Variants in CD164L2 observed in about 807,000 individuals in gnomAD.
CD164L2 encodes the protein CD164 sialomucin-like 2 protein.
In CD164L2, 21 loss-of-function variants were observed where a neutral mutation model predicts 23.9. The observed-to-expected ratio is 0.88, with a 90% CI of 0.62 to 1.27. The LOEUF is 1.27. Ranked by LOEUF, CD164L2 falls within the 50% of genes most tolerant of loss-of-function variation. The pLI is 0.00. For synonymous variants in CD164L2, 92 were observed against 90.2 expected (o/e 1.02, Z -0.11); for missense variants, 230 against 224.8 (o/e 1.02, Z -0.15).
chr1:27,379,693 C>G, intron 5 of CD164L2, 184 bp from the exon 6 acceptor site: 2 of 1,474,524 alleles, frequency 1.4e-6, no homozygotes, highest in South Asian at 1.4e-5. Flanking sequence ...GAGCAAAACC[C>G]AACTAGACAC....
At chr1:27,379,693 C>T (rs2016302730) in intron 5 of CD164L2, 184 bp from the exon 6 acceptor site, 1 of 1,474,524 alleles carries the variant, frequency 6.8e-7, no homozygotes, top group Admixed American at 2.4e-5. Flanking sequence ...GAGCAAAACC[C>T]AACTAGACAC....
intron 3 of CD164L2, 62 bp downstream of exon 3, chr1:27,382,266 G>C: frequency 1.2e-6 from 2 of 1,614,016 alleles, no homozygotes; most frequent in East Asian, 4.5e-5. Flanking sequence ...GTTTCCTCCT[G>C]GGGGGCAGGC....
In CD164L2 at chr1:27,380,154, C is replaced by G. The variant is rs992932439; in HGVS notation, c.415G>C (p.Gly139Arg). Residue 139 changes from glycine (G) to arginine (R), a missense_variant, in exon 5 of 6, where the codon GGG (glycine) becomes CGG (arginine). Physicochemically the swap from Gly to Arg is moderately radical, Grantham distance 125 (BLOSUM62 -2). Transcript: ENST00000374030. The stretch of plus-strand genomic sequence containing the variant: ...ACGACACCTCCGATAAAGCTGGCCC[C>G]GTCAAATCCAGGGCTGTGGGCCTCA... ...VPEAHSPGFDGASFIGGVVLV... is the reference protein window; with the variant it reads ...VPEAHSPGFDRASFIGGVVLV... The G allele has an allele frequency of 1.2e-6, 2 of 1,613,982 alleles. No individual in the cohort carries two copies. The highest frequency in any genetic ancestry group is 1.7e-6 in the Non-Finnish European group (2 of 1,179,988).
chr1:27,379,258 G>T lies in CD164L2; in HGVS notation c.*245C>A, dbSNP rs2016293010. On this transcript the variant is annotated 3_prime_UTR_variant, in exon 6 of 6. Coordinates refer to ENST00000374030, the MANE Select transcript of CD164L2 (RefSeq NM_001330448.1). ...CAGGCATACAACCCACTGTCAGGCT[G>T]GGGGGCCCAGCAGGGGCGATGGAGG... is the stretch of plus-strand genomic sequence containing the variant. The T allele has an allele frequency of 5.1e-6, 3 of 586,152 alleles. No homozygotes were observed. Among genetic ancestry groups the T allele is most frequent in the Non-Finnish European group, 9.2e-6 (3 of 326,250 alleles). The allele number at this position is 586,152 out of a possible 1,614,324, so 36.3% of individuals were successfully genotyped here. A position where few individuals can be genotyped will look rare whatever the true frequency, so the allele number is the denominator to read the frequency against.
At position 27,379,426 on chromosome 1, in the gene CD164L2, G is replaced by T; in HGVS notation, c.*77C>A. On this transcript the variant is annotated 3_prime_UTR_variant, in exon 6 of 6. Coordinates refer to ENST00000374030, the MANE Select transcript of CD164L2 (RefSeq NM_001330448.1). ...AGAGTTTTTCCCGCCCCCGCCCCCC[G>T]CTTACCCACAAGGGTGCCCAGAGGC... The T allele has an allele frequency of 2.3e-6, 1 of 425,578 alleles. No homozygotes were observed. The highest frequency in any genetic ancestry group is 2.4e-5 in the African/African-American group (1 of 41,712). 26.4% of individuals were successfully genotyped at this position (425,578 alleles called of 1,614,324 possible).
intron 1 of CD164L2, 89 bp downstream of exon 1, chr1:27,383,063 G>T: frequency 8.7e-7 from 1 of 1,149,276 alleles, no homozygotes; most frequent in Non-Finnish European, 1.3e-6. Context: ...CTCCCCTCAA[G>T]CCCAGGCTGC....
chr1:27,381,088 G>A (rs967336243), intron 4 of CD164L2, among the ~76,000 whole-genome samples: 4 of 152,250 alleles, frequency 2.6e-5, no homozygotes, highest in African/African-American at 9.6e-5. Flanking sequence ...GTAAGGGGTG[G>A]AAGGAGTCTG....
Position 27,382,629 on chromosome 1 carries a change from G to A in CD164L2, c.127C>T (p.Arg43Cys). ...TGGACCGCCGGCCAGATATTCAGGC[G>A]GATCAGGGCTCCCCTCCCAAAGCCT... ...ARGFGRGALI[R>C]LNIWPAVQGA... is the part of the protein sequence containing the mutation. The change falls in exon 2 of 6, where the codon CGC becomes TGC. Residue 43 changes from arginine (R) to cysteine (C), a missense_variant. Physicochemically the swap from Arg to Cys is radical, Grantham distance 180 (BLOSUM62 -3). Coordinates refer to ENST00000374030, the MANE Select transcript of CD164L2 (RefSeq NM_001330448.1). 6.2e-7 allele frequency: 1 copy of A among 1,612,788 alleles called. No individual in the cohort carries two copies.
intron 3 of CD164L2, 35 bp downstream of exon 3, chr1:27,382,293 C>T: frequency 6.2e-7 from 1 of 1,614,112 alleles, no homozygotes; most frequent in Non-Finnish European, 8.5e-7. Context: ...TGGGGAGACC[C>T]ATGCAACTTG....
In CD164L2 at chr1:27,383,183, G is replaced by A. The variant is rs2016374532; in HGVS notation, c.57C>T (p.Cys19=). Residue 19 remains cysteine, a synonymous_variant, in exon 1 of 6, where the codon TGC becomes TGT. Transcript: ENST00000374030. ...LRTALCGGCC[C]LLLCAQLAVA... ...CAGCCAGCTGGGCACATAGGAGGAG[G>A]CAGCAACAGCCGCCACAGAGCGCAG... The A allele has an allele frequency of 1.3e-6, 2 of 1,548,000 alleles. No individual in the cohort carries two copies. Among genetic ancestry groups the A allele is most frequent in the Non-Finnish European group, 1.7e-6 (2 of 1,146,810 alleles).
chr1:27,382,349 T>C lies in CD164L2; in HGVS notation c.307A>G (p.Asn103Asp), dbSNP rs1325722811. ...TTACCTGGACATGCCTCTGAGCGGT[T>C]GTAGATGGAGCAACCTTCCTTGACC... is the stretch of plus-strand genomic sequence containing the variant. ...EVVKEGCSIYNRSEACPAAHH... is the reference protein window; with the variant it reads ...EVVKEGCSIYDRSEACPAAHH... Residue 103 changes from asparagine to aspartate, a missense_variant, in exon 3 of 6, where the codon AAC (asparagine) becomes GAC (aspartate). Physicochemically the swap from Asn to Asp is conservative, Grantham distance 23. Coordinates refer to ENST00000374030, the MANE Select transcript of CD164L2 (RefSeq NM_001330448.1). 2 of 1,613,792 alleles carry C rather than the reference T, an allele frequency of 1.2e-6. No individual in the cohort carries two copies. Among genetic ancestry groups the C allele is most frequent in the East Asian group, 2.2e-5 (1 of 44,858 alleles).
rs188421451 is a variant in CD164L2, at chr1:27,380,567, A to T, written c.374-372T>A. 4.7e-4 allele frequency among the ~76,000 whole-genome samples: 71 copies of T among 152,092 alleles called. No homozygotes were observed. The South Asian group carries it at 8.5e-3, about 18-fold the overall frequency. The stretch of plus-strand genomic sequence containing the variant: ...GGGTGAAGACAGAGCCAGAACTCAG[A>T]CCCTCCCCTGCTCACAATTCCTTTC... On this transcript the variant is annotated intron_variant, in intron 4 of 5. Coordinates refer to ENST00000374030, the MANE Select transcript of CD164L2 (RefSeq NM_001330448.1).
intron 1 of CD164L2, 120 bp downstream of exon 1, chr1:27,383,032 T>C (rs990913153): frequency 3.4e-5 from 27 of 795,918 alleles, no homozygotes; most frequent in Non-Finnish European, 5.3e-5. Flanking sequence ...CCTGGAGGCC[T>C]GCACTTGGCC....
chr1:27,379,756 GGCTGGCACCTACTGGTTCTCTTCCCT>G (rs2016303948), intron 5 of CD164L2: 1 of 1,439,562 alleles, frequency 6.9e-7, no homozygotes, highest in Non-Finnish European at 9.1e-7. Context: ...GGCTTGCCTG[GGCTGGCACCTACTGGTTCTCTTCCCT>G]GCTGGCAGCA....
intron 3 of CD164L2, chr1:27,382,097 C>T (rs2016345684): frequency 6.7e-7 from 1 of 1,484,312 alleles, no homozygotes; most frequent in Admixed American, 2.3e-5. Context: ...ATGCCTTAAA[C>T]TAGAAGAAGA....
chr1:27,383,295 C>A lies in CD164L2; in HGVS notation c.-56G>T. On this transcript the variant is annotated 5_prime_UTR_variant, in exon 1 of 6. Coordinates refer to ENST00000374030, the MANE Select transcript of CD164L2 (RefSeq NM_001330448.1). The stretch of plus-strand genomic sequence containing the variant: ...GTGGCCGGGATCGGTGGACAGCTGC[C>A]GGGCGCGTCCCTCCCAGACTGGGCT... 2 of 1,164,196 alleles carry A rather than the reference C, an allele frequency of 1.7e-6. No individual in the cohort carries two copies. Among genetic ancestry groups the A allele is most frequent in the East Asian group, 2.6e-5 (1 of 38,660 alleles). The allele number at this position is 1,164,196 out of a possible 1,614,324, so 72.1% of individuals were successfully genotyped here.
Position 27,379,204 on chromosome 1 carries a change from C to T in CD164L2, c.*299G>A. On this transcript the variant is annotated 3_prime_UTR_variant, in exon 6 of 6. Transcript: ENST00000374030. ...AGTGCAGAGTTCCTTTATTTGGGGG[C>T]AGTGCCCAGGCCAGTTGGTGGAAAG... The T allele has an allele frequency of 1.9e-6, 1 of 538,508 alleles. No homozygotes were observed. Among genetic ancestry groups the T allele is most frequent in the East Asian group, 3.1e-5 (1 of 32,042 alleles). The allele number at this position is 538,508 out of a possible 1,614,324, so 33.4% of individuals were successfully genotyped here.
intron 4 of CD164L2, among the ~76,000 whole-genome samples, chr1:27,380,706 G>A (rs987426416): frequency 2.0e-5 from 3 of 152,220 alleles, no homozygotes; most frequent in African/African-American, 7.2e-5. Context: ...GAGAGGGAAG[G>A]AGCAGGGGGA....
Position 27,381,779 on chromosome 1 carries a change from C to T in CD164L2, c.373+1G>A. ...CTGCCCCGTCTCCAGGGAGTACTCA[C>T]CTGTTGTGACTGTCTTCGGTTCATA... On this transcript the variant is annotated splice_donor_variant, in intron 4 of 5. Coordinates refer to ENST00000374030, the MANE Select transcript of CD164L2 (RefSeq NM_001330448.1). LOFTEE classifies it high-confidence loss of function. 8.1e-6 allele frequency: 13 copies of T among 1,614,006 alleles called. No individual in the cohort carries two copies. Among genetic ancestry groups the T allele is most frequent in the Non-Finnish European group, 1.1e-5 (13 of 1,179,910 alleles).
Sources: gnomAD v4.1 joint callset for allele counts (sites outside exome capture counted in the v4.1 genomes callset) on GRCh38, gnomAD v4.1.1 for gene constraint, MANE v1.5 for transcripts, NCBI Gene and HGNC (gene_info 2026-07-23, HGNC 2026-07-21) for gene names.